The following MSN variants were observed in gnomAD, a reference collection of about 807,000 sequenced individuals.
The protein encoded by MSN is moesin.
A neutral mutation model predicts 48.0 loss-of-function variants in MSN; 2 were observed. That is an observed-to-expected ratio of 0.04 (90% CI 0.02 to 0.13). MSN has a LOEUF of 0.13. MSN is among the 10% of genes least tolerant of loss of function. The pLI is 1.00. For missense variants in MSN, 267 were observed against 470.1 expected (o/e 0.57, Z 3.99); for synonymous variants, 146 against 166.9 (o/e 0.87, Z 0.97).
chrX:65,618,994 T>C (rs1421057405), intron 1 of MSN, among the ~76,000 whole-genome samples: 1 of 104,003 alleles, frequency 9.6e-6, no homozygotes, highest in Non-Finnish European at 2.0e-5. Flanking sequence ...TATGAAATTC[T>C]GGGTTGAAAA....
chrX:65,716,543 TG>T (rs747129613), intron 1 of MSN: 1 of 385,861 alleles, frequency 2.6e-6, no homozygotes. Context: ...CCCAAAGTGC[TG>T]GGATTACAGG....
At chrX:65,694,210 T>C (rs1041170267) in intron 1 of MSN, among the ~76,000 whole-genome samples, 1 of 111,604 alleles carries the variant, frequency 9.0e-6, no homozygotes, top group Non-Finnish European at 1.9e-5. Context: ...AATGGCTGAG[T>C]TCCCTAAGTC....
At chrX:65,672,429 A>G (rs180946402) in intron 1 of MSN, among the ~76,000 whole-genome samples, 2 of 112,161 alleles carry the variant, frequency 1.8e-5, no homozygotes, top group Admixed American at 1.9e-4. Flanking sequence ...CTGTTGGTTC[A>G]AGTGAAGGGG....
intron 2 of MSN, among the ~76,000 whole-genome samples, chrX:65,722,024 G>A (rs1234140205): frequency 1.8e-5 from 2 of 112,036 alleles, no homozygotes; most frequent in Admixed American, 9.5e-5. Flanking sequence ...CAAGGTTACA[G>A]TGAGCTATGA....
chrX:65,704,635 C>A (rs371692906), intron 1 of MSN, among the ~76,000 whole-genome samples: 3 of 108,212 alleles, frequency 2.8e-5, no homozygotes, highest in Non-Finnish European at 3.8e-5. Context: ...GAGTTTTTCA[C>A]GGAAACAAAT....
chrX:65,588,720 A>C, intron 1 of MSN: 1 of 592,523 alleles, frequency 1.7e-6, no homozygotes, highest in Non-Finnish European at 2.1e-6. Context: ...GGTTTAGGCA[A>C]ACTCTTCTCA....
chrX:65,604,122 G>A (rs1290062793), intron 1 of MSN, among the ~76,000 whole-genome samples: 1 of 112,506 alleles, frequency 8.9e-6, no homozygotes, highest in Non-Finnish European at 1.9e-5. Flanking sequence ...AGGGAATGAG[G>A]CACAGAAAGT....
At chrX:65,623,368 C>CT (rs773663630) in intron 1 of MSN, among the ~76,000 whole-genome samples, 4,573 of 74,084 alleles carry the variant, frequency 0.062, 423 homozygotes, top group African/African-American at 0.2. Context: ...TCTTTCTTTT[C>CT]TTTTTTTTTT....
chrX:65,735,178 C>T (rs2071662574), intron 7 of MSN, 89 bp from the exon 8 acceptor site: 1 of 1,010,512 alleles, frequency 9.9e-7, no homozygotes, highest in Admixed American at 2.5e-5. Flanking sequence ...AATATTCTTT[C>T]CAGTGCTTTT....
At chrX:65,689,894 A>C (rs759445051) in intron 1 of MSN, among the ~76,000 whole-genome samples, 1 of 111,495 alleles carries the variant, frequency 9.0e-6, no homozygotes, top group African/African-American at 3.3e-5. Context: ...AAGGTTTGGA[A>C]AAAGGGGGAA....
intron 2 of MSN, among the ~76,000 whole-genome samples, chrX:65,717,602 A>T (rs1183529965): frequency 8.9e-6 from 1 of 112,408 alleles, no homozygotes; most frequent in African/African-American, 3.2e-5. Flanking sequence ...TACTATAATA[A>T]ACAGATGGCA....
At chrX:65,681,028 G>C (rs2071050069) in intron 1 of MSN, among the ~76,000 whole-genome samples, 2 of 111,239 alleles carry the variant, frequency 1.8e-5, no homozygotes, top group African/African-American at 6.5e-5. Context: ...TGGGATTACA[G>C]GTATGAGCCA....
intron 1 of MSN, among the ~76,000 whole-genome samples, chrX:65,678,908 G>A (rs746447187): frequency 8.9e-6 from 1 of 112,121 alleles, no homozygotes; most frequent in East Asian, 2.8e-4. Flanking sequence ...TAAGAGGCTA[G>A]GAAAGGGGTC....
chrX:65,696,610 T>TG (rs974764699), intron 1 of MSN, among the ~76,000 whole-genome samples: 8 of 110,826 alleles, frequency 7.2e-5, no homozygotes, highest in African/African-American at 2.6e-4. Flanking sequence ...AATATGTGTG[T>TG]GGGGGGCTAG....
At chrX:65,592,924 C>T (rs1363686262) in intron 1 of MSN, among the ~76,000 whole-genome samples, 1 of 110,206 alleles carries the variant, frequency 9.1e-6, no homozygotes, top group Non-Finnish European at 1.9e-5. Context: ...GCCTGTAATC[C>T]CAGCTACTCA....
At chrX:65,637,239 C>G (rs1377271778) in intron 1 of MSN, among the ~76,000 whole-genome samples, 53 of 107,544 alleles carry the variant, frequency 4.9e-4, no homozygotes, top group African/African-American at 1.7e-3. Flanking sequence ...CCCGTCTCTA[C>G]TAAAAATACA....
intron 1 of MSN, among the ~76,000 whole-genome samples, chrX:65,646,733 G>A (rs1456531339): frequency 8.9e-6 from 1 of 111,786 alleles, no homozygotes; most frequent in Non-Finnish European, 1.9e-5. Context: ...ATCACCTGAG[G>A]TCGGAAGTTC....
rs2071551232 is a variant in MSN, at chrX:65,724,758, C to A, written c.97-3056C>A. On this transcript the variant is annotated intron_variant, in intron 2 of 12. Transcript: ENST00000360270. Reference sequence around the variant, plus strand: ...CTGGAGTGCAGTGGTGCAATCTCAGCTCACTGCATCCTCCACCTCCCAGGT... The same window carrying A: ...CTGGAGTGCAGTGGTGCAATCTCAGATCACTGCATCCTCCACCTCCCAGGT... 2.7e-5 allele frequency among the ~76,000 whole-genome samples: 3 copies of A among 111,462 alleles called. No homozygotes were observed. In the Admixed American group the frequency reaches 2.9e-4, roughly 11 times the overall value.
intron 4 of MSN, among the ~76,000 whole-genome samples, 179 bp downstream of exon 4, chrX:65,729,891 T>G (rs763907346): frequency 8.9e-6 from 1 of 112,820 alleles, no homozygotes; most frequent in East Asian, 2.8e-4. Context: ...GTTGTTTTTC[T>G]GGCTTTCCAA....
Sources: gnomAD v4.1 joint callset for allele counts (sites outside exome capture counted in the v4.1 genomes callset) on GRCh38, gnomAD v4.1.1 for gene constraint, MANE v1.5 for transcripts, NCBI Gene and HGNC (gene_info 2026-07-23, HGNC 2026-07-21) for gene names.